Variants in RBFOX3 observed in about 807,000 individuals in gnomAD.
RBFOX3 encodes the protein RNA binding fox-1 homolog 3.
In RBFOX3, 17 loss-of-function variants were observed where a neutral mutation model predicts 48.7. The ratio of observed to expected loss-of-function variants is 0.35; its 90% CI spans 0.24 to 0.52. The LOEUF (loss-of-function observed/expected upper bound fraction) is 0.52. RBFOX3 is among the 20% of genes least tolerant of loss of function. The pLI is 0.94. For synonymous variants in RBFOX3, 212 were observed against 209.5 expected, an observed-to-expected ratio of 1.01 and a Z score of -0.10; for missense variants, 382 against 497.5, an observed-to-expected ratio of 0.77 and a Z score of 2.21.
At chr17:79,649,803 T>A in the RBFOX3 span, among the ~76,000 whole-genome samples, 1 of 152,292 alleles carries the variant, frequency 6.6e-6, no homozygotes, top group East Asian at 1.9e-4. Context: ...TGGCATCTGC[T>A]TGGCTTCTGG....
intron 1 of RBFOX3, among the ~76,000 whole-genome samples, chr17:79,585,362 C>T (rs2093215167): frequency 6.6e-6 from 1 of 151,838 alleles, no homozygotes; most frequent in South Asian, 2.1e-4. Context: ...CCGAGACCAG[C>T]CTGGCCAACA....
At chr17:79,393,015 G>C (rs769421441) in intron 2 of RBFOX3, among the ~76,000 whole-genome samples, 7 of 152,158 alleles carry the variant, frequency 4.6e-5, no homozygotes, top group African/African-American at 1.4e-4. Context: ...CAAGTGCATC[G>C]TGATGGAGAC....
At chr17:79,162,947 G>C (rs752640708) in intron 4 of RBFOX3, among the ~76,000 whole-genome samples, 7 of 152,204 alleles carry the variant, frequency 4.6e-5, no homozygotes, top group Non-Finnish European at 8.8e-5. Flanking sequence ...CCTGGAGAGG[G>C]ACAAAGTCAC....
chr17:79,097,390 G>A lies in RBFOX3; in HGVS notation c.657C>T (p.Ala219=), dbSNP rs925521413. The A allele has an allele frequency of 4.0e-5, 62 of 1,547,846 alleles. No homozygotes were observed. Among genetic ancestry groups the A allele is most frequent in the Non-Finnish European group, 5.1e-5 (59 of 1,145,968 alleles). The change falls in exon 11 of 15, where the codon GCC becomes GCT. Residue 219 remains alanine, a synonymous_variant. Transcript: ENST00000693108. ...GAAGATGTGCGCCCCGGTAGGCAAC[G>A]GCTGTGCCGGTGGTGGGGTAGGGGA... ...TGFPYPTTGT[A]VAYRGAHLRG... is the part of the protein sequence containing the mutation.
At chr17:79,116,010 A>G (rs1217841472) in intron 4 of RBFOX3, among the ~76,000 whole-genome samples, 1 of 152,202 alleles carries the variant, frequency 6.6e-6, no homozygotes, top group African/African-American at 2.4e-5. Context: ...AGACCTGGGT[A>G]CAAGAACAAC....
rs552497422 is a variant in RBFOX3, at chr17:79,360,390, G to A, written c.-174-52566C>T. Among the ~76,000 whole-genome samples, 51 of 152,154 alleles carry A rather than the reference G, an allele frequency of 3.4e-4. 1 individual carries two copies. In the South Asian group the frequency reaches 8.7e-3, roughly 26 times the overall value. ...GGCACGCTCATCAGACTGCAATCCCGCCAACAGGTGCCACTGGAAGCTGCT... is the reference window on the plus strand; with the variant it reads ...GGCACGCTCATCAGACTGCAATCCCACCAACAGGTGCCACTGGAAGCTGCT... On this transcript the variant is annotated intron_variant, in intron 2 of 14. Transcript: ENST00000693108.
intron 1 of RBFOX3, among the ~76,000 whole-genome samples, chr17:79,592,619 C>T (rs1423818260): frequency 1.3e-5 from 2 of 152,020 alleles, no homozygotes; most frequent in East Asian, 1.9e-4. Flanking sequence ...TCCCCACACT[C>T]CCACCTGCGC....
At chr17:79,173,646 G>A (rs1411717200) in intron 4 of RBFOX3, among the ~76,000 whole-genome samples, 2 of 152,326 alleles carry the variant, frequency 1.3e-5, no homozygotes, top group Non-Finnish European at 2.9e-5. Context: ...AGCGGGTCTA[G>A]GTGGCTCTGA....
chr17:79,595,325 C>A (rs912320045), intron 1 of RBFOX3, among the ~76,000 whole-genome samples: 2,072 of 152,314 alleles, frequency 0.014, 52 homozygotes, highest in African/African-American at 0.047. Context: ...CACCGTGCCC[C>A]AGCGAAGAAC....
chr17:79,285,608 G>A (rs1026383992), intron 3 of RBFOX3, among the ~76,000 whole-genome samples: 2 of 152,216 alleles, frequency 1.3e-5, no homozygotes, highest in African/African-American at 4.8e-5. Context: ...GTTTCCCGAA[G>A]ATCCACTGAC....
chr17:79,547,098 C>A (rs926893242), intron 1 of RBFOX3, among the ~76,000 whole-genome samples: 1 of 152,140 alleles, frequency 6.6e-6, no homozygotes, highest in African/African-American at 2.4e-5. Flanking sequence ...GGCAGGTGAA[C>A]AATTACCTTG....
At chr17:79,545,648 C>CTTACTTCTTTCCCCAGGGGACGCT (rs1229043291) in intron 1 of RBFOX3, among the ~76,000 whole-genome samples, 9 of 152,208 alleles carry the variant, frequency 5.9e-5, no homozygotes, top group Non-Finnish European at 1.0e-4. Flanking sequence ...GAGGGGAGGC[C>CTTACTTCTTTCCCCAGGGGACGCT]TTACTTCTTT....
At chr17:79,609,976 C>G (rs1019106759) in intron 1 of RBFOX3, among the ~76,000 whole-genome samples, 38 of 152,168 alleles carry the variant, frequency 2.5e-4, no homozygotes, top group African/African-American at 8.9e-4. Flanking sequence ...GCTTTCCCAG[C>G]CCGGCCGCGC....
chr17:79,359,204 G>C (rs1028295298), intron 2 of RBFOX3, among the ~76,000 whole-genome samples: 2 of 152,248 alleles, frequency 1.3e-5, no homozygotes, highest in African/African-American at 2.4e-5. Flanking sequence ...GGCAAGAGCT[G>C]AGGGGCTTGG....
chr17:79,430,104 C>T lies in RBFOX3; in HGVS notation c.-175+52350G>A, dbSNP rs530523200. On this transcript the variant is annotated intron_variant, in intron 2 of 14. Transcript: ENST00000693108. The stretch of plus-strand genomic sequence containing the variant: ...CCCAGCTCTAGGATTGAGTGATTTC[C>T]CCCAGCGTTGCACTCAGACCACAGG... 1.0e-3 allele frequency among the ~76,000 whole-genome samples: 154 copies of T among 152,188 alleles called. 1 individual carries two copies. Among genetic ancestry groups the T allele is most frequent in the African/African-American group, 3.6e-3 (148 of 41,534 alleles).
At chr17:79,149,420 GT>G (rs2043815568) in intron 4 of RBFOX3, among the ~76,000 whole-genome samples, 1 of 152,174 alleles carries the variant, frequency 6.6e-6, no homozygotes, top group Non-Finnish European at 1.5e-5. Flanking sequence ...CTCCCCACTC[GT>G]TGGATTGGAA....
At chr17:79,416,230 T>C (rs1489605939) in intron 2 of RBFOX3, among the ~76,000 whole-genome samples, 2 of 152,180 alleles carry the variant, frequency 1.3e-5, no homozygotes, top group Non-Finnish European at 2.9e-5. Context: ...GCAGCTGGAA[T>C]CACCTGCAAC....
chr17:79,182,462 C>T (rs2052256124), intron 4 of RBFOX3, among the ~76,000 whole-genome samples: 1 of 152,282 alleles, frequency 6.6e-6, no homozygotes, highest in African/African-American at 2.4e-5. Context: ...GGGAGTCCCC[C>T]TCTGTCCCCA....
intron 2 of RBFOX3, among the ~76,000 whole-genome samples, chr17:79,469,411 ATG>A (rs1275682398): frequency 6.6e-6 from 1 of 152,160 alleles, no homozygotes; most frequent in Non-Finnish European, 1.5e-5. Flanking sequence ...TGAAACAGGG[ATG>A]TGTGTGGAGA....
Sources: gnomAD v4.1 joint callset for allele counts (sites outside exome capture counted in the v4.1 genomes callset) on GRCh38, gnomAD v4.1.1 for gene constraint, MANE v1.5 for transcripts, NCBI Gene and HGNC (gene_info 2026-07-23, HGNC 2026-07-21) for gene names.